NRG3: variants seen among roughly 807,000 people sequenced by gnomAD.
The protein encoded by NRG3 is neuregulin 3, also known as pro-neuregulin-3, membrane-bound isoform.
A neutral mutation model predicts 66.9 loss-of-function variants in NRG3; 31 were observed. The observed-to-expected ratio is 0.46, with a 90% CI of 0.35 to 0.63. The LOEUF is 0.63. Among genes scored for constraint, NRG3 ranks in the 20% least tolerant of loss-of-function variants. The probability of loss-of-function intolerance (pLI) is 0.00; values close to 1 mark genes in which losing one functional copy is unlikely to be tolerated. For synonymous variants in NRG3, 393 were observed against 359.4 expected (o/e 1.09, Z -1.06); for missense variants, 910 against 878.9 (o/e 1.04, Z -0.45).
rs1320212572 is a variant in NRG3, at chr10:82,753,278, GTTT to G, written c.1027+14632_1027+14634del. On this transcript the variant is annotated intron_variant, in intron 3 of 8. Coordinates refer to ENST00000372141, the MANE Select transcript of NRG3 (RefSeq NM_001010848.4). ...GAAAACATCTTTTTATATTTTAAAA[GTTT>G]TTTATTTTTTCTTTCCTGTGAAGTC... 2.0e-5 allele frequency among the ~76,000 whole-genome samples: 3 copies of G among 152,050 alleles called. No homozygotes were observed. In the South Asian group the frequency reaches 6.2e-4, roughly 32 times the overall value.
chr10:82,151,905 C>T (rs1236180851), intron 1 of NRG3, among the ~76,000 whole-genome samples: 1 of 152,156 alleles, frequency 6.6e-6, no homozygotes, highest in Non-Finnish European at 1.5e-5. Context: ...CTCACTCTTT[C>T]ACATATGTAT....
intron 2 of NRG3, among the ~76,000 whole-genome samples, chr10:82,692,845 G>A (rs1460334774): frequency 7.9e-6 from 1 of 126,656 alleles, no homozygotes. Context: ...ATATCTTGAT[G>A]TTTAGAACTG....
intron 2 of NRG3, among the ~76,000 whole-genome samples, chr10:82,592,235 A>G (rs2133318425): frequency 1.3e-5 from 2 of 152,274 alleles, no homozygotes; most frequent in Middle Eastern, 6.8e-3. Context: ...TTCTCTCCAC[A>G]TTTATTAAGG....
intron 1 of NRG3, chr10:82,232,996 G>T (rs2076562303): frequency 1.7e-6 from 1 of 588,118 alleles, no homozygotes; most frequent in Non-Finnish European, 3.1e-6. Flanking sequence ...TGTTTCCAGG[G>T]TATGTGGGCA....
At chr10:82,265,198 A>G (rs1034899056) in intron 1 of NRG3, among the ~76,000 whole-genome samples, 1 of 152,214 alleles carries the variant, frequency 6.6e-6, no homozygotes, top group Non-Finnish European at 1.5e-5. Flanking sequence ...ATAAATTTAT[A>G]GTAAGACCAG....
chr10:82,943,238 G>A (rs985830433), intron 4 of NRG3, among the ~76,000 whole-genome samples: 2 of 152,192 alleles, frequency 1.3e-5, no homozygotes, highest in Non-Finnish European at 2.9e-5. Context: ...AAACATGCAG[G>A]TATGCAATGT....
chr10:82,883,939 A>G (rs1591824161), intron 4 of NRG3, among the ~76,000 whole-genome samples: 2 of 150,062 alleles, frequency 1.3e-5, no homozygotes, highest in Non-Finnish European at 1.5e-5. Flanking sequence ...ATATTTTGCT[A>G]TAGTTTTTTT....
intron 1 of NRG3, among the ~76,000 whole-genome samples, chr10:82,188,290 C>T (rs772276643): frequency 6.6e-6 from 1 of 152,104 alleles, no homozygotes; most frequent in Admixed American, 6.6e-5. Context: ...TATCTATCAC[C>T]ATATACAAAC....
chr10:82,252,165 G>A (rs2077516171), intron 1 of NRG3, among the ~76,000 whole-genome samples: 1 of 152,184 alleles, frequency 6.6e-6, no homozygotes, highest in East Asian at 1.9e-4. Flanking sequence ...TTGAAGAGAG[G>A]ATCACAGAGT....
At chr10:82,059,279 GA>G (rs1837038593) in intron 1 of NRG3, among the ~76,000 whole-genome samples, 2 of 152,174 alleles carry the variant, frequency 1.3e-5, no homozygotes, top group Non-Finnish European at 2.9e-5. Flanking sequence ...CCCTTAGAGG[GA>G]TGGGCTGATT....
chr10:82,900,132 G>T (rs963023500), intron 4 of NRG3, among the ~76,000 whole-genome samples: 12 of 152,032 alleles, frequency 7.9e-5, no homozygotes, highest in Non-Finnish European at 1.5e-4. Context: ...ACTTTTAAAA[G>T]AGATCTCATG....
intron 3 of NRG3, among the ~76,000 whole-genome samples, chr10:82,744,677 C>T (rs1329736378): frequency 6.6e-6 from 1 of 152,124 alleles, no homozygotes; most frequent in African/African-American, 2.4e-5. Context: ...GTAATGTCTG[C>T]AAGATATTGA....
intron 1 of NRG3, among the ~76,000 whole-genome samples, chr10:82,351,747 A>G (rs985301851): frequency 1.3e-5 from 2 of 152,194 alleles, no homozygotes; most frequent in African/African-American, 4.8e-5. Context: ...AAGCACACAC[A>G]ATAGTCAACC....
At chr10:82,682,394 T>C (rs1045883440) in intron 2 of NRG3, among the ~76,000 whole-genome samples, 2 of 133,162 alleles carry the variant, frequency 1.5e-5, no homozygotes, top group African/African-American at 5.6e-5. Flanking sequence ...AGATAGTAGA[T>C]AGACAGATAG....
intron 1 of NRG3, among the ~76,000 whole-genome samples, chr10:82,047,965 C>G (rs1285997413): frequency 4.6e-5 from 7 of 151,990 alleles, no homozygotes; most frequent in Non-Finnish European, 8.8e-5. Flanking sequence ...TCTGATAAAA[C>G]AGAGTTTAAA....
intron 6 of NRG3, among the ~76,000 whole-genome samples, chr10:82,967,934 C>A (rs954706474): frequency 3.9e-5 from 6 of 152,154 alleles, no homozygotes; most frequent in African/African-American, 1.2e-4. Flanking sequence ...AGCAACTTGT[C>A]CAAATTACTT....
intron 2 of NRG3, among the ~76,000 whole-genome samples, chr10:82,372,555 T>A (rs2084954624): frequency 1.3e-5 from 2 of 152,250 alleles, no homozygotes; most frequent in Non-Finnish European, 1.5e-5. Flanking sequence ...AAGACAATTT[T>A]ATTGTTCCAA....
At chr10:82,218,079 T>C (rs2075772320) in intron 1 of NRG3, among the ~76,000 whole-genome samples, 1 of 152,188 alleles carries the variant, frequency 6.6e-6, no homozygotes, top group Non-Finnish European at 1.5e-5. Flanking sequence ...GAAATATTGA[T>C]GAACTAAAAC....
At position 82,772,748 on chromosome 10, in the gene NRG3, C is replaced by G. The variant is rs535521140; in HGVS notation, c.1027+34098C>G. Among the ~76,000 whole-genome samples the G allele has an allele frequency of 4.7e-5, 7 of 148,292 alleles. No homozygotes were observed. In the South Asian group the frequency reaches 1.3e-3, roughly 28 times the overall value. ...TTTGAGATGGTCTCACTCTATCACC[C>G]AGGCTGGAATATACTGATGTGATCA... is the stretch of plus-strand genomic sequence containing the variant. On this transcript the variant is annotated intron_variant, in intron 3 of 8. Transcript: ENST00000372141.
Sources: gnomAD v4.1 joint callset for allele counts (sites outside exome capture counted in the v4.1 genomes callset) on GRCh38, gnomAD v4.1.1 for gene constraint, MANE v1.5 for transcripts, NCBI Gene and HGNC (gene_info 2026-07-23, HGNC 2026-07-21) for gene names.